Variants in MARCHF7 observed in about 807,000 individuals in gnomAD.
The protein encoded by MARCHF7 is E3 ubiquitin-protein ligase MARCHF7.
A neutral mutation model predicts 76.5 loss-of-function variants in MARCHF7; 20 were observed. That is an observed-to-expected ratio of 0.26 (90% confidence interval 0.18 to 0.38). The LOEUF is 0.38. Among genes scored for constraint, MARCHF7 ranks in the 10% least tolerant of loss-of-function variants. MARCHF7 has a pLI of 1.00. For missense variants in MARCHF7, 797 were observed against 812.9 expected (o/e 0.98, Z 0.24); for synonymous variants, 295 against 293.0 (o/e 1.01, Z -0.07).
At chr2:159,746,126 A>G (rs1456485712) in intron 6 of MARCHF7, among the ~76,000 whole-genome samples, 189 bp downstream of exon 6, 3 of 152,336 alleles carry the variant, frequency 2.0e-5, no homozygotes, top group Non-Finnish European at 4.4e-5. Context: ...GTCGATGAAT[A>G]TGAGTATCTA....
In MARCHF7 at chr2:159,748,739, A is replaced by C. The variant is rs1439906943; in HGVS notation, c.1449A>C (p.Leu483Phe). The C allele has an allele frequency of 6.2e-7, 1 of 1,614,184 alleles. No individual in the cohort carries two copies. The highest frequency in any genetic ancestry group is 1.7e-5 in the Admixed American group (1 of 60,012). ...TATCAGGGATTCTTCCTGGTTCCTT[A>C]TTCCGGTTTGCAGTCCCTCCAGCAC... The part of the protein sequence containing the change: ...TGISGILPGS[L>F]FRFAVPPALG... The change falls in exon 7 of 12, where the codon TTA (leucine) becomes TTC (phenylalanine). Residue 483 changes from leucine to phenylalanine, a missense_variant. Physicochemically the swap from Leu to Phe is conservative, Grantham distance 22. Around this residue, in one of 3 missense-constraint regions of MARCHF7, gnomAD observed 643 missense variants for 631.5 expected, o/e 1.02. Transcript: ENST00000409175.
At chr2:159,765,682 T>C (rs907556166) in intron 11 of MARCHF7, among the ~76,000 whole-genome samples, 3 of 152,202 alleles carry the variant, frequency 2.0e-5, no homozygotes, top group Non-Finnish European at 4.4e-5. Flanking sequence ...TTAGTCCTCA[T>C]AGGAACTTTT....
chr2:159,748,963 T>TC, intron 7 of MARCHF7, 60 bp downstream of exon 7: 1 of 1,289,948 alleles, frequency 7.8e-7, no homozygotes. Context: ...ACTCTTCATT[T>TC]CTTTTTTTTC....
chr2:159,763,349 G>A (rs1445861431), intron 10 of MARCHF7, among the ~76,000 whole-genome samples: 1 of 152,100 alleles, frequency 6.6e-6, no homozygotes, highest in Non-Finnish European at 1.5e-5. Context: ...AACTCCAAAA[G>A]CCAAAGAGTA....
chr2:159,759,413 G>A, intron 9 of MARCHF7, 78 bp downstream of exon 9: 3 of 636,344 alleles, frequency 4.7e-6, no homozygotes, highest in Non-Finnish European at 8.1e-6. Flanking sequence ...ATTAAATCAT[G>A]GTCAGAAACC....
At chr2:159,742,165 A>G (rs936769361) in intron 4 of MARCHF7, among the ~76,000 whole-genome samples, 3 of 152,172 alleles carry the variant, frequency 2.0e-5, no homozygotes, top group Non-Finnish European at 4.4e-5. Context: ...TATATGTTAA[A>G]AGAGAAAACC....
intron 8 of MARCHF7, among the ~76,000 whole-genome samples, chr2:159,753,307 C>T (rs1456097536): frequency 6.6e-6 from 1 of 152,060 alleles, no homozygotes; most frequent in Non-Finnish European, 1.5e-5. Context: ...CGCGGTGGCT[C>T]ATGCCTGTAA....
At chr2:159,727,300 T>G (rs1409366446) in intron 3 of MARCHF7, among the ~76,000 whole-genome samples, 1 of 152,026 alleles carries the variant, frequency 6.6e-6, no homozygotes, top group Non-Finnish European at 1.5e-5. Context: ...TTTAAAAGCT[T>G]TTTAAGGCTG....
intron 3 of MARCHF7, among the ~76,000 whole-genome samples, chr2:159,717,376 T>C (rs867885645): frequency 1.6e-4 from 24 of 152,320 alleles, no homozygotes; most frequent in South Asian, 6.2e-4. Context: ...GATGTCATGC[T>C]TGGGATTGCT....
At chr2:159,716,387 C>G (rs1171852198) in intron 3 of MARCHF7, among the ~76,000 whole-genome samples, 1 of 152,052 alleles carries the variant, frequency 6.6e-6, no homozygotes, top group Non-Finnish European at 1.5e-5. Flanking sequence ...TGGCTCACTC[C>G]TGTAATCCCA....
chr2:159,749,279 A>G (rs1055268876), intron 7 of MARCHF7, among the ~76,000 whole-genome samples: 1 of 151,850 alleles, frequency 6.6e-6, no homozygotes, highest in Admixed American at 6.6e-5. Context: ...TGCCCAGCCT[A>G]AAACTCTTCA....
At chr2:159,725,074 G>A (rs1004465499) in intron 3 of MARCHF7, among the ~76,000 whole-genome samples, 1 of 152,162 alleles carries the variant, frequency 6.6e-6, no homozygotes, top group African/African-American at 2.4e-5. Context: ...GCTTTATCCA[G>A]TCTATCATTG....
intron 8 of MARCHF7, among the ~76,000 whole-genome samples, chr2:159,755,979 G>T (rs1263428987): frequency 2.0e-5 from 3 of 152,156 alleles, no homozygotes; most frequent in Non-Finnish European, 4.4e-5. Flanking sequence ...GAGCTCAAGG[G>T]CTCTGAACAA....
chr2:159,742,121 G>C (rs1365594031), intron 4 of MARCHF7, among the ~76,000 whole-genome samples: 1 of 152,140 alleles, frequency 6.6e-6, no homozygotes, highest in African/African-American at 2.4e-5. Flanking sequence ...TACATTATCA[G>C]TGATACTTGT....
chr2:159,739,321 C>A (rs1703851594), intron 4 of MARCHF7, among the ~76,000 whole-genome samples: 1 of 152,226 alleles, frequency 6.6e-6, no homozygotes, highest in Admixed American at 6.5e-5. Flanking sequence ...AGATGAACTG[C>A]TGCTGCCATC....
At position 159,732,798 on chromosome 2, in the gene MARCHF7, A is replaced by G. The variant is rs76216015; in HGVS notation, c.153+3623A>G. On this transcript the variant is annotated intron_variant, in intron 4 of 11. Coordinates refer to ENST00000409175, the MANE Select transcript of MARCHF7 (RefSeq NM_001282805.2). ...ACTCCCACCTCAGCCTCCCAAAGTGATGGGATTACAGACATCTGCCATCAT... is the reference window on the plus strand; with the variant it reads ...ACTCCCACCTCAGCCTCCCAAAGTGGTGGGATTACAGACATCTGCCATCAT... 9,522 of 956,790 alleles carry G rather than the reference A, an allele frequency of 1.0e-2. 608 individuals carry two copies. In the African/African-American group the frequency reaches 0.14, roughly 14 times the overall value. The allele number at this position is 956,790 out of a possible 1,614,324, so 59.3% of individuals were successfully genotyped here.
chr2:159,726,201 C>T (rs1222924616), intron 3 of MARCHF7, among the ~76,000 whole-genome samples: 2 of 151,942 alleles, frequency 1.3e-5, no homozygotes, highest in Non-Finnish European at 2.9e-5. Flanking sequence ...TGAAGCTCTA[C>T]TACTGCTCCA....
chr2:159,736,799 AT>A (rs1224023820), intron 4 of MARCHF7, among the ~76,000 whole-genome samples: 5 of 152,184 alleles, frequency 3.3e-5, no homozygotes, highest in African/African-American at 1.2e-4. Context: ...TTGGAAAGTT[AT>A]TTTCTATTCA....
intron 4 of MARCHF7, chr2:159,733,969 T>G: frequency 7.7e-7 from 1 of 1,292,946 alleles, no homozygotes; most frequent in East Asian, 2.8e-5. Flanking sequence ...CAGCCATTTG[T>G]AAGCTGCGCT....
Sources: gnomAD v4.1 joint callset for allele counts (sites outside exome capture counted in the v4.1 genomes callset) on GRCh38, gnomAD v4.1.1 for gene constraint, gnomAD v4.1.1 regional missense constraint, MANE v1.5 for transcripts, NCBI Gene and HGNC (gene_info 2026-07-23, HGNC 2026-07-21) for gene names.